The following BUB1 variants were observed in gnomAD, a reference collection of about 807,000 sequenced individuals.
BUB1 encodes mitotic checkpoint serine/threonine-protein kinase BUB1.
BUB1 carries 84 observed loss-of-function variants against 135.2 expected under a neutral mutation model. That is an observed-to-expected ratio of 0.62 (90% CI 0.52 to 0.74). The LOEUF is 0.74. BUB1 is among the 30% of genes least tolerant of loss of function. BUB1 has a pLI of 0.00. For synonymous variants in BUB1, 403 were observed against 434.4 expected (o/e 0.93, Z 0.90); for missense variants, 1,162 against 1,288.3 (o/e 0.90, Z 1.50).
chr2:110,667,754 T>C, intron 7 of BUB1, 43 bp downstream of exon 7: 1 of 1,610,380 alleles, frequency 6.2e-7, no homozygotes, highest in Non-Finnish European at 8.5e-7. Flanking sequence ...CTAAGAGCAC[T>C]TAAAGGAAAC....
chr2:110,670,006 C>T (rs897562101), intron 5 of BUB1, among the ~76,000 whole-genome samples: 2 of 150,388 alleles, frequency 1.3e-5, no homozygotes, highest in African/African-American at 2.5e-5. Context: ...CAGGTTTGAG[C>T]TTTTAAAATG....
intron 10 of BUB1, chr2:110,660,840 A>C (rs561824264): frequency 1.1e-4 from 17 of 152,246 alleles, no homozygotes; most frequent in Non-Finnish European, 1.9e-4. Flanking sequence ...AGTAATGGTT[A>C]TCAAGAAAGA....
At chr2:110,642,315 CAT>C in intron 19 of BUB1, 81 bp from the exon 20 acceptor site, 1 of 949,866 alleles carries the variant, frequency 1.1e-6, no homozygotes, top group South Asian at 1.7e-5. Context: ...GTTACAAAGA[CAT>C]AGAGTTTTCT....
rs1377646307 is a variant in BUB1 at position 110,656,030 on chromosome 2, G to A, written c.1699-114C>T. The A allele has an allele frequency of 8.0e-6, 8 of 999,474 alleles. No homozygotes were observed. The African/African-American group carries it at 1.1e-4, about 14-fold the overall frequency. 61.9% of individuals were successfully genotyped at this position (999,474 alleles called of 1,614,324 possible). On this transcript the variant is annotated intron_variant, in intron 15 of 24. Transcript: ENST00000302759. ...AATGAGGATTAAAGAAGAAACAGATGTCAACCCCTGGCTAATACAGCCCAC... is the reference window on the plus strand; with the variant it reads ...AATGAGGATTAAAGAAGAAACAGATATCAACCCCTGGCTAATACAGCCCAC...
Position 110,672,861 on chromosome 2 carries a change from C to T in BUB1, c.226-4G>A, listed in dbSNP as rs753129705. The T allele has an allele frequency of 6.3e-7, 1 of 1,576,270 alleles. No individual in the cohort carries two copies. The highest frequency in any genetic ancestry group is 1.2e-5 in the South Asian group (1 of 85,918). ...GGAGGTCACTGTTGTACTCAGCCTA[C>T]ACGAACCCAAAACAAAAAGACATAA... is the stretch of plus-strand genomic sequence containing the variant. On this transcript the variant is annotated splice_polypyrimidine_tract_variant and splice_region_variant and intron_variant, in intron 3 of 24. Coordinates refer to ENST00000302759, the MANE Select transcript of BUB1 (RefSeq NM_004336.5).
chr2:110,664,095 G>A (rs1690177955), intron 9 of BUB1, among the ~76,000 whole-genome samples: 1 of 150,734 alleles, frequency 6.6e-6, no homozygotes, highest in African/African-American at 2.4e-5. Context: ...AAGAAAATTA[G>A]GGGGAAAAAA....
In BUB1 at chr2:110,664,100, A is replaced by G. The variant is rs78671119; in HGVS notation, c.957+2163T>C. ...GGCAATCTCAAAGAAAATTAGGGGG[A>G]AAAAAGGACAAAGATAGAAAATGGT... On this transcript the variant is annotated intron_variant, in intron 9 of 24. Coordinates refer to ENST00000302759, the MANE Select transcript of BUB1 (RefSeq NM_004336.5). 7.6e-3 allele frequency among the ~76,000 whole-genome samples: 1,151 copies of G among 151,858 alleles called. 21 individuals are homozygous for G. Among genetic ancestry groups the G allele is most frequent in the African/African-American group, 0.026 (1,075 of 41,400 alleles).
At chr2:110,639,394 CAAAAAAA>C (rs111453356) in intron 24 of BUB1, among the ~76,000 whole-genome samples, 1 of 118,162 alleles carries the variant, frequency 8.5e-6, no homozygotes, top group Non-Finnish European at 1.9e-5. Flanking sequence ...TTCCATAGAC[CAAAAAAA>C]AAAAAAAGAA....
At position 110,647,103 on chromosome 2, in the gene BUB1, A is replaced by G. The variant is rs545519924; in HGVS notation, c.2347+2131T>C. Among the ~76,000 whole-genome samples, 55 of 152,330 alleles carry G rather than the reference A, an allele frequency of 3.6e-4. 1 individual carries two copies. The South Asian group carries it at 0.011, about 31-fold the overall frequency. ...TGGGTTCACTAGTGAATTCTGTCAA[A>G]CATTTGAGGAACAAATTATATCCAT... On this transcript the variant is annotated intron_variant, in intron 19 of 24. Transcript: ENST00000302759.
chr2:110,653,827 G>A (rs759173773), intron 16 of BUB1, among the ~76,000 whole-genome samples: 7 of 151,990 alleles, frequency 4.6e-5, no homozygotes, highest in Non-Finnish European at 7.4e-5. Flanking sequence ...AACATAGTGA[G>A]ACCCTATCCC....
At chr2:110,646,492 C>T (rs1177960596) in intron 19 of BUB1, among the ~76,000 whole-genome samples, 1 of 152,148 alleles carries the variant, frequency 6.6e-6, no homozygotes, top group African/African-American at 2.4e-5. Context: ...TGGAATACTT[C>T]ATCGAATAAC....
At chr2:110,669,680 GT>G (rs1164123444) in intron 5 of BUB1, 127 bp from the exon 6 acceptor site, 1 of 579,728 alleles carries the variant, frequency 1.7e-6, no homozygotes, top group African/African-American at 1.9e-5. Context: ...CATTCACACT[GT>G]CTCAGAAATT....
intron 18 of BUB1, among the ~76,000 whole-genome samples, chr2:110,649,900 A>G (rs143198440): frequency 0.014 from 2,096 of 152,318 alleles, 26 homozygotes; most frequent in Admixed American, 0.022. Context: ...GTTACAAAAA[A>G]TTATATTAGT....
rs1233900492 is a variant in BUB1, at chr2:110,672,665, ATTG to A, written c.415_417del (p.Gln139del). On this transcript the variant is annotated inframe_deletion, in exon 4 of 25. Transcript: ENST00000302759. The stretch of plus-strand genomic sequence containing the variant: ...AGAGTTTGACTTTGTAACTACCTGT[ATTG>A]TTGTTGCAGGAACTCTCTGGGTTCA... 2 of 1,585,462 alleles carry A rather than the reference ATTG, an allele frequency of 1.3e-6. No homozygotes were observed. The highest frequency in any genetic ancestry group is 1.7e-6 in the Non-Finnish European group (2 of 1,167,492).
rs751006429 is a variant in BUB1, at chr2:110,674,180, T to C, written c.131A>G (p.Tyr44Cys). The C allele has an allele frequency of 6.3e-7, 1 of 1,594,438 alleles. No individual in the cohort carries two copies. Among genetic ancestry groups the C allele is most frequent in the Admixed American group, 1.7e-5 (1 of 59,528 alleles). The change falls in exon 3 of 25, where the codon TAC becomes TGC. Residue 44 changes from tyrosine (Y) to cysteine (C), a missense_variant. Coordinates refer to ENST00000302759, the MANE Select transcript of BUB1 (RefSeq NM_004336.5). ...VEENFPENKE[Y>C]LITLLEHLMK... ...TAAATGTTCTAGTAAAGTTATCAAG[T>C]ATTCTTTATTCTCAGGAAAATTCTC...
At chr2:110,660,128 T>G in intron 10 of BUB1, 92 bp from the exon 11 acceptor site, 1 of 1,081,424 alleles carries the variant, frequency 9.2e-7, no homozygotes. Context: ...TCCCAGCACT[T>G]TGGGAGGCCG....
intron 18 of BUB1, 82 bp downstream of exon 18, chr2:110,650,464 C>T: frequency 7.6e-7 from 1 of 1,320,434 alleles, no homozygotes; most frequent in South Asian, 1.3e-5. Context: ...ATTCAAGTCC[C>T]ACTGTGGGTT....
At chr2:110,677,864 G>A in intron 1 of BUB1, 106 bp downstream of exon 1, 2 of 1,353,064 alleles carry the variant, frequency 1.5e-6, no homozygotes, top group Non-Finnish European at 2.0e-6. Context: ...CCAAACCCAG[G>A]AAGGGGGCGA....
chr2:110,657,411 AC>A (rs769570486), intron 14 of BUB1, 134 bp downstream of exon 14: 3 of 650,072 alleles, frequency 4.6e-6, no homozygotes, highest in South Asian at 6.3e-5. Flanking sequence ...CTTTGGCAAC[AC>A]CCCCCTGGTT....
Sources: allele counts gnomAD v4.1 joint callset (sites outside exome capture counted in the v4.1 genomes callset), GRCh38; gene constraint gnomAD v4.1.1; transcripts MANE v1.5; gene names NCBI Gene and HGNC (gene_info 2026-07-23, HGNC 2026-07-21).